The following PSG8 variants were observed in gnomAD, a reference collection of about 807,000 sequenced individuals.
PSG8 encodes the protein pregnancy-specific beta-1-glycoprotein 8.
A neutral mutation model predicts 42.5 loss-of-function variants in PSG8; 57 were observed. That is an observed-to-expected ratio of 1.34 (90% CI 1.08 to 1.67). The LOEUF (loss-of-function observed/expected upper bound fraction) is 1.67. Among genes scored for constraint, PSG8 ranks in the 40% most tolerant of loss-of-function variants. The probability of loss-of-function intolerance (pLI) is 0.00; values close to 1 mark genes in which losing one functional copy is unlikely to be tolerated. For missense variants in PSG8, 783 were observed against 518.6 expected (o/e 1.51, Z -4.95); for synonymous variants, 280 against 196.8 (o/e 1.42, Z -3.54).
chr19:42,764,553 C>T (rs1274287871), intron 1 of PSG8, among the ~76,000 whole-genome samples: 1 of 151,954 alleles, frequency 6.6e-6, no homozygotes, highest in African/African-American at 2.4e-5. Flanking sequence ...GTTTGCAATC[C>T]TCTTCCCCAG....
chr19:42,763,054 C>A (rs1422855598), intron 2 of PSG8, among the ~76,000 whole-genome samples: 1 of 152,178 alleles, frequency 6.6e-6, no homozygotes, highest in Non-Finnish European at 1.5e-5. Flanking sequence ...GCTTTTCATG[C>A]TATCTGTGAA....
intron 2 of PSG8, among the ~76,000 whole-genome samples, chr19:42,763,043 G>T (rs544468677): frequency 6.6e-6 from 1 of 152,224 alleles, no homozygotes; most frequent in South Asian, 2.1e-4. Context: ...AATGGACAGT[G>T]GCTTTTCATG....
At chr19:42,753,337 G>A (rs770390890), downstream of PSG8, 1 of 780,494 alleles carries the variant, frequency 1.3e-6, no homozygotes, top group South Asian at 1.3e-5. Context: ...GGAAGAAAAT[G>A]GAATTGGAGG....
rs751785407 is a variant in PSG8 at position 42,754,426 on chromosome 19, T to C, written c.1150A>G (p.Ile384Val). 3.7e-6 allele frequency: 6 copies of C among 1,613,814 alleles called. No homozygotes were observed. The highest frequency in any genetic ancestry group is 3.3e-5 in the South Asian group (3 of 91,068). Reference sequence around the variant, plus strand: ...TAGAGCCCGCTATGCTTTGTAGTAATTTGGGGGATAAAGAGCTTTTGTCCT... The same window carrying C: ...TAGAGCCCGCTATGCTTTGTAGTAACTTGGGGGATAAAGAGCTTTTGTCCT... Reference protein sequence around the residue: ...LSGQKLFIPQITTKHSGLYAC... With the variant: ...LSGQKLFIPQVTTKHSGLYAC... The change falls in exon 5 of 5, where the codon ATT (isoleucine) becomes GTT (valine). Residue 384 changes from isoleucine to valine, a missense_variant. By Grantham distance (29) the Ile-to-Val change is conservative. Transcript: ENST00000306511.
At chr19:42,761,524 C>G (rs529673068) in intron 2 of PSG8, among the ~76,000 whole-genome samples, 2 of 152,270 alleles carry the variant, frequency 1.3e-5, no homozygotes, top group South Asian at 4.1e-4. Flanking sequence ...CTTTTGCATT[C>G]TGGCAACCGG....
chr19:42,765,116 C>T (rs1970183086), intron 1 of PSG8, among the ~76,000 whole-genome samples: 1 of 151,890 alleles, frequency 6.6e-6, no homozygotes, highest in Non-Finnish European at 1.5e-5. Context: ...TCCCCCTATC[C>T]AGGCTCCAAT....
rs377240511 is a variant in PSG8 at position 42,754,577 on chromosome 19, G to A, written c.999C>T (p.Asp333=). The A allele has an allele frequency of 1.9e-6, 3 of 1,612,312 alleles. No individual in the cohort carries two copies. The highest frequency in any genetic ancestry group is 2.5e-6 in the Non-Finnish European group (3 of 1,178,728). The change falls in exon 5 of 5, where the codon GAC becomes GAT. Residue 333 remains aspartate, a synonymous_variant. Coordinates refer to ENST00000306511, the MANE Select transcript of PSG8 (RefSeq NM_182707.3). ...PVTLNVLYGP[D]LPRIYPSFTY... The stretch of plus-strand genomic sequence containing the variant: ...TGAATGAAGGGTAAATTCTGGGGAG[G>A]TCTGGACCATCTGGAGCAAAGAGAA...
At chr19:42,760,531 T>A (rs1042174557) in intron 2 of PSG8, among the ~76,000 whole-genome samples, 10 of 152,168 alleles carry the variant, frequency 6.6e-5, no homozygotes, top group Non-Finnish European at 1.5e-4. Flanking sequence ...GATTCTTTCC[T>A]CAGCTGTGTG....
At position 42,758,195 on chromosome 19, in the gene PSG8, C is replaced by G. The variant is rs1406457514; in HGVS notation, c.516G>C (p.Glu172Asp). The G allele has an allele frequency of 1.2e-6, 2 of 1,613,936 alleles. No homozygotes were observed. The highest frequency in any genetic ancestry group is 1.7e-6 in the Non-Finnish European group (2 of 1,179,994). Residue 172 changes from glutamate to aspartate, a missense_variant, in exon 3 of 5, where the codon GAG becomes GAC. Glu to Asp is a conservative substitution (Grantham distance 45, BLOSUM62 2). Coordinates refer to ENST00000306511, the MANE Select transcript of PSG8 (RefSeq NM_182707.3). ...MEAVSLTCDP[E>D]TPDASYLWWM... is the part of the protein sequence containing the mutation. ...ACCACAGGTAGCTTGCGTCCGGAGT[C>G]TCAGGATCACAGGTTAAGCTCACAG...
At chr19:42,760,319 G>T (rs543010071) in intron 2 of PSG8, among the ~76,000 whole-genome samples, 7 of 152,100 alleles carry the variant, frequency 4.6e-5, no homozygotes, top group Non-Finnish European at 1.0e-4. Flanking sequence ...CCTCCAACTG[G>T]TCCCCAAAAC....
chr19:42,757,834 C>G (rs1969965850), intron 3 of PSG8, among the ~76,000 whole-genome samples, 168 bp downstream of exon 3: 1 of 152,052 alleles, frequency 6.6e-6, no homozygotes, highest in Admixed American at 6.5e-5. Flanking sequence ...TATTGTTGAT[C>G]AAGCCTAGGC....
At chr19:42,758,379 C>T in intron 2 of PSG8, 99 bp from the exon 3 acceptor site, 1 of 1,539,932 alleles carries the variant, frequency 6.5e-7, no homozygotes. Flanking sequence ...TCTCAGCCCA[C>T]CCAAGTCCTT....
At chr19:42,765,392 T>C in intron 1 of PSG8, 126 bp downstream of exon 1, 1 of 1,442,030 alleles carries the variant, frequency 6.9e-7, no homozygotes, top group Non-Finnish European at 9.5e-7. Context: ...GATCTCATGA[T>C]CCACCTGCCT....
chr19:42,764,659 T>A (rs1355849968), intron 1 of PSG8, among the ~76,000 whole-genome samples: 2 of 152,032 alleles, frequency 1.3e-5, no homozygotes, highest in East Asian at 3.9e-4. Context: ...ATACCCTGGG[T>A]CTTCCCTTTC....
In PSG8 at chr19:42,755,056, G is replaced by A. The variant is rs1203639027; in HGVS notation, c.920C>T (p.Pro307Leu). 1 of 1,612,852 alleles carries A rather than the reference G, an allele frequency of 6.2e-7. No homozygotes were observed. The highest frequency in any genetic ancestry group is 8.5e-7 in the Non-Finnish European group (1 of 1,179,780). Residue 307 changes from proline to leucine, a missense_variant, in exon 4 of 5, where the codon CCC becomes CTC. Pro to Leu is a moderately conservative substitution (Grantham distance 98). Transcript: ENST00000306511. The part of the protein sequence containing the change: ...LPSVTRNETG[P>L]YQCEIRDQYG... Reference sequence around the variant, plus strand: ...TTGGTCCCTTATTTCACATTGATAGGGTCCTGTTTCATTTCTCGTGACACT... The same window carrying A: ...TTGGTCCCTTATTTCACATTGATAGAGTCCTGTTTCATTTCTCGTGACACT...
chr19:42,753,919 A>G (rs1330203588), downstream of PSG8: 1 of 529,400 alleles, frequency 1.9e-6, no homozygotes, highest in Admixed American at 2.6e-5. Context: ...AGAAAGCAAA[A>G]GTAAATATTT....
intron 4 of PSG8, 121 bp downstream of exon 4, chr19:42,754,867 G>A: frequency 2.6e-6 from 4 of 1,545,438 alleles, no homozygotes; most frequent in Non-Finnish European, 3.5e-6. Context: ...GTCATGGCCA[G>A]CTCGGATGTC....
At position 42,761,664 on chromosome 19, in the gene PSG8, T is replaced by A. The variant is rs1236292253; in HGVS notation, c.430+2252A>T. ...CCATCACCAAACAATCAGCAGTACT[T>A]ATTTTTTAGTCCTGTGCTCCTGAAA... On this transcript the variant is annotated intron_variant, in intron 2 of 4. Coordinates refer to ENST00000306511, the MANE Select transcript of PSG8 (RefSeq NM_182707.3). Among the ~76,000 whole-genome samples the A allele has an allele frequency of 1.3e-5, 2 of 151,986 alleles. 1 individual carries two copies. Among genetic ancestry groups the A allele is most frequent in the Non-Finnish European group, 2.9e-5 (2 of 67,980 alleles).
At position 42,755,012 on chromosome 19, in the gene PSG8, A is replaced by G. The variant is rs111674083; in HGVS notation, c.964T>C (p.Tyr322His). 1.2e-6 allele frequency: 2 copies of G among 1,613,326 alleles called. No individual in the cohort carries two copies. The highest frequency in any genetic ancestry group is 8.5e-7 in the Non-Finnish European group (1 of 1,179,756). The stretch of plus-strand genomic sequence containing the variant: ...CAGAGGACATTCAGGGTGACTGGGT[A>G]ACTGCGGATGCCACCATATTGGTCC... Reference protein sequence around the residue: ...IRDQYGGIRSYPVTLNVLYGP... With the variant: ...IRDQYGGIRSHPVTLNVLYGP... The change falls in exon 4 of 5, where the codon TAC becomes CAC. Residue 322 changes from tyrosine to histidine, a missense_variant. Transcript: ENST00000306511.
Sources: gnomAD v4.1 joint callset for allele counts (sites outside exome capture counted in the v4.1 genomes callset) on GRCh38, gnomAD v4.1.1 for gene constraint, MANE v1.5 for transcripts, NCBI Gene and HGNC (gene_info 2026-07-23, HGNC 2026-07-21) for gene names.